EPS8: variants seen among roughly 807,000 people sequenced by gnomAD.
EPS8 encodes EGFR pathway substrate 8, signaling adaptor, also known as epidermal growth factor receptor kinase substrate 8.
In EPS8, 42 loss-of-function variants were observed where a neutral mutation model predicts 103.8. The ratio of observed to expected loss-of-function variants is 0.40; its 90% confidence interval spans 0.32 to 0.52. The LOEUF (loss-of-function observed/expected upper bound fraction) is 0.52, where lower values mean the gene tolerates loss of function less well. Ranked by LOEUF, EPS8 falls within the 20% of genes least tolerant of loss-of-function variation. The pLI, the probability that EPS8 is intolerant of heterozygous loss-of-function variation, is 0.40. For missense variants in EPS8, 969 were observed against 1,005.1 expected, an observed-to-expected ratio of 0.96 and a Z score of 0.49; for synonymous variants, 344 against 344.6, an observed-to-expected ratio of 1.00 and a Z score of 0.02.
intron 1 of EPS8, among the ~76,000 whole-genome samples, chr12:15,694,947 G>T (rs1946223589): frequency 6.6e-6 from 1 of 152,024 alleles, no homozygotes; most frequent in Admixed American, 6.6e-5. Context: ...GGTAAATTTA[G>T]ACATATTTCA....
intron 18 of EPS8, among the ~76,000 whole-genome samples, chr12:15,629,864 G>A (rs1349276980): frequency 3.3e-5 from 5 of 152,068 alleles, no homozygotes; most frequent in African/African-American, 4.8e-5. Context: ...AACAGATGTG[G>A]CAATAACTTA....
chr12:15,658,576 A>G lies in EPS8; in HGVS notation c.947T>C (p.Leu316Ser), dbSNP rs1424526566. The G allele has an allele frequency of 6.2e-7, 1 of 1,610,516 alleles. No individual in the cohort carries two copies. The highest frequency in any genetic ancestry group is 8.5e-7 in the Non-Finnish European group (1 of 1,176,892). ...AGGTGGAGGTTTTGCCCGCAGCGTT[A>G]AAACACCCTCTAATGAAATAAGCGA... ...GKRKGPGEGVLTLRAKPPPPD... is the reference protein window; with the variant it reads ...GKRKGPGEGVSTLRAKPPPPD... Residue 316 changes from leucine (L) to serine (S), a missense_variant, in exon 11 of 21, where the codon TTA (leucine) becomes TCA (serine). Leu to Ser is a moderately radical substitution (Grantham distance 145). Coordinates refer to ENST00000281172, the MANE Select transcript of EPS8 (RefSeq NM_004447.6).
chr12:15,664,772 T>G (rs1945678462), intron 8 of EPS8, among the ~76,000 whole-genome samples: 1 of 152,212 alleles, frequency 6.6e-6, no homozygotes. Flanking sequence ...GGCAAAAGAA[T>G]GAGGCTCTAG....
intron 3 of EPS8, among the ~76,000 whole-genome samples, chr12:15,671,978 A>C (rs887318124): frequency 7.2e-5 from 11 of 152,182 alleles, no homozygotes; most frequent in South Asian, 2.1e-4. Context: ...TTGGGCAAGA[A>C]ACTTAATACC....
rs11056638 is a variant in EPS8, at chr12:15,765,874, C to T, written c.-22+23287G>A. Among the ~76,000 whole-genome samples, 159 of 142,192 alleles carry T rather than the reference C, an allele frequency of 1.1e-3. 2 individuals are homozygous for T. In the East Asian group the frequency reaches 0.032, roughly 29 times the overall value. The allele number at this position is 142,192 out of a possible 152,430, so 93.3% of individuals were successfully genotyped here. A position where few individuals can be genotyped will look rare whatever the true frequency, so the allele number is the denominator to read the frequency against. ...TGTCGCCCAGGCTGGAGTACAGTGG[C>T]GCAATCTCGGCTCACTGCAACCTCT... is the stretch of plus-strand genomic sequence containing the variant. On this transcript the variant is annotated intron_variant, in intron 1 of 20. Coordinates refer to ENST00000281172, the MANE Select transcript of EPS8 (RefSeq NM_004447.6).
At position 15,764,623 on chromosome 12, in the gene EPS8, G is replaced by T. The variant is rs866892617; in HGVS notation, c.-22+24538C>A. Among the ~76,000 whole-genome samples the T allele has an allele frequency of 6.6e-6, 1 of 152,100 alleles. No homozygotes were observed. The highest frequency in any genetic ancestry group is 2.4e-5 in the African/African-American group (1 of 41,408). On this transcript the variant is annotated intron_variant, in intron 1 of 20. Coordinates refer to ENST00000281172, the MANE Select transcript of EPS8 (RefSeq NM_004447.6). The surrounding 1 kb of genome is among the most constrained non-coding windows in gnomAD (Gnocchi z 4.1). ...TGAAACTTCAACCAGATAAAGTAAT[G>T]TCTGAACCTCTGAAGCCAGAAATTA...
At chr12:15,635,702 G>C (rs932793552) in intron 17 of EPS8, among the ~76,000 whole-genome samples, 2 of 152,004 alleles carry the variant, frequency 1.3e-5, no homozygotes, top group African/African-American at 4.8e-5. Context: ...GGATTGTAGA[G>C]ATCACATAAC....
rs1946751071 is a variant in EPS8, at chr12:15,734,677, G to C, written c.-21-51705C>G. ...CCACTGTACTCCAGCCTGGGCGACA[G>C]AGCGAGACTCCGTACAGAGCGAGAC... is the stretch of plus-strand genomic sequence containing the variant. On this transcript the variant is annotated intron_variant, in intron 1 of 20. Transcript: ENST00000281172. This position sits in a 1 kb window ranked among gnomAD's most constrained non-coding sequence, Gnocchi z 4.1. Among the ~76,000 whole-genome samples the C allele has an allele frequency of 6.6e-6, 1 of 151,986 alleles. No homozygotes were observed. Among genetic ancestry groups the C allele is most frequent in the South Asian group, 2.1e-4 (1 of 4,818 alleles).
At chr12:15,753,048 G>T (rs997782618) in intron 1 of EPS8, among the ~76,000 whole-genome samples, 2 of 151,344 alleles carry the variant, frequency 1.3e-5, no homozygotes, top group Admixed American at 1.3e-4. Context: ...CAGAAATTAG[G>T]ATATCTCTTT....
At chr12:15,746,010 GA>G (rs1308076362) in intron 1 of EPS8, among the ~76,000 whole-genome samples, 1 of 152,132 alleles carries the variant, frequency 6.6e-6, no homozygotes, top group Non-Finnish European at 1.5e-5. Context: ...CACATTCTAT[GA>G]ACACCTTTAT....
chr12:15,725,591 T>TA lies in EPS8; in HGVS notation c.-21-42620dup, dbSNP rs1331885146. Among the ~76,000 whole-genome samples, 3 of 152,204 alleles carry TA rather than the reference T, an allele frequency of 2.0e-5. No individual in the cohort carries two copies. The East Asian group carries it at 5.8e-4, about 29-fold the overall frequency. ...TGTTACCTTATGAAAAATTCTAAAATACGGTGACACAATGGGTCTTCATCA... is the reference window on the plus strand; with the variant it reads ...TGTTACCTTATGAAAAATTCTAAAATAACGGTGACACAATGGGTCTTCATCA... On this transcript the variant is annotated intron_variant, in intron 1 of 20. Transcript: ENST00000281172. The surrounding 1 kb of genome is among the most constrained non-coding windows in gnomAD (Gnocchi z 4.5).
At chr12:15,627,841 G>A (rs1379624220) in intron 18 of EPS8, among the ~76,000 whole-genome samples, 1 of 152,118 alleles carries the variant, frequency 6.6e-6, no homozygotes, top group African/African-American at 2.4e-5. Context: ...TTCGTTGTTT[G>A]TTTTCACTTT....
At position 15,697,766 on chromosome 12, in the gene EPS8, A is replaced by G. The variant is rs1946261659; in HGVS notation, c.-21-14794T>C. On this transcript the variant is annotated intron_variant, in intron 1 of 20. Coordinates refer to ENST00000281172, the MANE Select transcript of EPS8 (RefSeq NM_004447.6). This position sits in a 1 kb window ranked among gnomAD's most constrained non-coding sequence, Gnocchi z 5.6. ...AAAAAAGAACTGATAATCTAGCTTT[A>G]CTGATAAGTAAGAAAAAAAGGGAAC... Among the ~76,000 whole-genome samples, 1 of 152,220 alleles carries G rather than the reference A, an allele frequency of 6.6e-6. No homozygotes were observed. The highest frequency in any genetic ancestry group is 1.5e-5 in the Non-Finnish European group (1 of 68,034).
rs532825876 is a variant in EPS8 at position 15,728,751 on chromosome 12, G to A, written c.-21-45779C>T. Reference sequence around the variant, plus strand: ...GTTTAAACTGAAAATGTTTGTTGCAGAGATGCTATTTCTAGAAATATTTAA... The same window carrying A: ...GTTTAAACTGAAAATGTTTGTTGCAAAGATGCTATTTCTAGAAATATTTAA... On this transcript the variant is annotated intron_variant, in intron 1 of 20. Coordinates refer to ENST00000281172, the MANE Select transcript of EPS8 (RefSeq NM_004447.6). This position sits in a 1 kb window ranked among gnomAD's most constrained non-coding sequence, Gnocchi z 4.5. 1.3e-3 allele frequency among the ~76,000 whole-genome samples: 204 copies of A among 152,240 alleles called. No homozygotes were observed. The highest frequency in any genetic ancestry group is 3.4e-3 in the Middle Eastern group (1 of 294).
chr12:15,635,281 AAC>A (rs1945114916), intron 17 of EPS8, among the ~76,000 whole-genome samples: 1 of 152,168 alleles, frequency 6.6e-6, no homozygotes, highest in Admixed American at 6.5e-5. Flanking sequence ...TATGTATAAA[AAC>A]ACATATATAT....
At chr12:15,715,505 C>T (rs571574293) in intron 1 of EPS8, among the ~76,000 whole-genome samples, 1 of 149,316 alleles carries the variant, frequency 6.7e-6, no homozygotes, top group South Asian at 2.1e-4. Context: ...AGTGATTCTC[C>T]TCCCGAATAG....
chr12:15,772,425 A>G lies in EPS8; in HGVS notation c.-22+16736T>C, dbSNP rs1947164345. 6.6e-6 allele frequency among the ~76,000 whole-genome samples: 1 copy of G among 152,200 alleles called. No homozygotes were observed. Among genetic ancestry groups the G allele is most frequent in the Non-Finnish European group, 1.5e-5 (1 of 68,038 alleles). On this transcript the variant is annotated intron_variant, in intron 1 of 20. Transcript: ENST00000281172. The surrounding 1 kb of genome is among the most constrained non-coding windows in gnomAD (Gnocchi z 5.0). Reference sequence around the variant, plus strand: ...AAACGAAACACTGAGGTTCCCTAGAAAGAGAATGAAACTTAGGCTGTAACA... The same window carrying G: ...AAACGAAACACTGAGGTTCCCTAGAGAGAGAATGAAACTTAGGCTGTAACA...
rs754521957 is a variant in EPS8 at position 15,772,549 on chromosome 12, AAAAT to A, written c.-22+16608_-22+16611del. Among the ~76,000 whole-genome samples, 3 of 152,102 alleles carry A rather than the reference AAAAT, an allele frequency of 2.0e-5. No homozygotes were observed. The highest frequency in any genetic ancestry group is 4.4e-5 in the Non-Finnish European group (3 of 68,004). ...TACACAAAACCATGAACTGAGGCAC[AAAAT>A]AAATAAATAAATAAATAAAGCATTG... On this transcript the variant is annotated intron_variant, in intron 1 of 20. Coordinates refer to ENST00000281172, the MANE Select transcript of EPS8 (RefSeq NM_004447.6). This position sits in a 1 kb window ranked among gnomAD's most constrained non-coding sequence, Gnocchi z 5.0.
rs754291638 is a variant in EPS8 at position 15,779,863 on chromosome 12, G to A, written c.-22+9298C>T. Among the ~76,000 whole-genome samples, 88 of 152,134 alleles carry A rather than the reference G, an allele frequency of 5.8e-4. No individual in the cohort carries two copies. The highest frequency in any genetic ancestry group is 1.1e-3 in the Non-Finnish European group (72 of 68,010). On this transcript the variant is annotated intron_variant, in intron 1 of 20. Transcript: ENST00000281172. This position sits in a 1 kb window ranked among gnomAD's most constrained non-coding sequence, Gnocchi z 4.3. ...TACATTCCTAAATAGTATGTTTCAG[G>A]TTCTGTTCAGAAACTATGGCTTAGA...
Sources: allele counts gnomAD v4.1 joint callset (sites outside exome capture counted in the v4.1 genomes callset), GRCh38; gene constraint gnomAD v4.1.1; non-coding constraint Gnocchi (gnomAD v3.1); transcripts MANE v1.5; gene names NCBI Gene and HGNC (gene_info 2026-07-23, HGNC 2026-07-21).